The following PCGF3 variants were observed in gnomAD, a reference collection of about 807,000 sequenced individuals.
PCGF3 encodes the protein polycomb group RING finger protein 3.
A neutral mutation model predicts 33.1 loss-of-function variants in PCGF3; 7 were observed. The ratio of observed to expected loss-of-function variants is 0.21; its 90% CI spans 0.12 to 0.40. The LOEUF (loss-of-function observed/expected upper bound fraction) is 0.40, where lower values mean the gene tolerates loss of function less well. PCGF3 is among the 10% of genes least tolerant of loss of function. The pLI is 1.00. For missense variants in PCGF3, 211 were observed against 313.3 expected (o/e 0.67, Z 2.46); for synonymous variants, 153 against 121.3 (o/e 1.26, Z -1.72).
chr4:711,583 G>A (rs1208452507), intron 1 of PCGF3, among the ~76,000 whole-genome samples: 2 of 143,458 alleles, frequency 1.4e-5, no homozygotes, highest in Non-Finnish European at 3.0e-5. Flanking sequence ...TCAGCCTCCC[G>A]AGTAGCTGGG....
chr4:743,947 G>A (rs141133179), intron 7 of PCGF3: 121 of 195,178 alleles, frequency 6.2e-4, no homozygotes, highest in African/African-American at 2.8e-3. Context: ...CTGTGTAAAG[G>A]GAATGGTATG....
intron 2 of PCGF3, 53 bp downstream of exon 2, chr4:730,721 G>A (rs1743518609): frequency 3.4e-6 from 1 of 294,202 alleles, no homozygotes; most frequent in Non-Finnish European, 6.3e-6. Flanking sequence ...TGAACTGCCG[G>A]ACTCCGCCGG....
At chr4:724,290 C>A (rs1199594474) in intron 1 of PCGF3, among the ~76,000 whole-genome samples, 1 of 152,208 alleles carries the variant, frequency 6.6e-6, no homozygotes, top group Non-Finnish European at 1.5e-5. Flanking sequence ...GGAGGCTTTT[C>A]CACACCCGAG....
chr4:717,403 TC>T (rs1161033453), intron 1 of PCGF3, among the ~76,000 whole-genome samples: 2 of 152,122 alleles, frequency 1.3e-5, no homozygotes, highest in East Asian at 3.8e-4. Context: ...ACTTTTTTTT[TC>T]AGTCTTGCTT....
rs1382422005 is a variant in PCGF3 at position 720,521 on chromosome 4, A to T, written c.-189-10109A>T. On this transcript the variant is annotated intron_variant, in intron 1 of 10. Coordinates refer to ENST00000362003, the Ensembl canonical transcript of PCGF3. The surrounding 1 kb of genome is among the most constrained non-coding windows in gnomAD (Gnocchi z 5.6). ...GGCCTCCTGCCAGGGAGCCTTGTGC[A>T]TGGCTGGGAGGACGGCAAGGCTGAT... Among the ~76,000 whole-genome samples the T allele has an allele frequency of 6.6e-6, 1 of 152,154 alleles. No individual in the cohort carries two copies. Among genetic ancestry groups the T allele is most frequent in the Non-Finnish European group, 1.5e-5 (1 of 68,000 alleles).
intron 10 of PCGF3, among the ~76,000 whole-genome samples, chr4:765,610 G>T (rs1373355841): frequency 6.6e-6 from 1 of 152,198 alleles, no homozygotes; most frequent in Non-Finnish European, 1.5e-5. Flanking sequence ...GGTCCCCTGG[G>T]GCCTTTGGGC....
intron 8 of PCGF3, among the ~76,000 whole-genome samples, chr4:752,982 G>A (rs968549245): frequency 4.6e-5 from 7 of 152,190 alleles, no homozygotes; most frequent in South Asian, 4.1e-4. Context: ...GTCCTCTGTC[G>A]AACCACAAAG....
intron 4 of PCGF3, chr4:734,637 C>A (rs996696219): frequency 2.4e-6 from 3 of 1,255,994 alleles, no homozygotes; most frequent in South Asian, 2.3e-5. Context: ...TTCTGATGAC[C>A]CACAGCTCTG....
At chr4:739,898 C>T (rs1318884939) in intron 6 of PCGF3, among the ~76,000 whole-genome samples, 3 of 152,244 alleles carry the variant, frequency 2.0e-5, no homozygotes, top group East Asian at 1.9e-4. Context: ...ACGGTGGCCC[C>T]GAGCCGCCTC....
At chr4:722,528 T>C in intron 1 of PCGF3, 3 of 247,322 alleles carry the variant, frequency 1.2e-5, no homozygotes, top group East Asian at 1.6e-4. Context: ...CCACACTCAG[T>C]CATCGCCCGT....
At chr4:705,879 T>C (rs1322640541) in exon 1 of PCGF3, 1 of 151,996 alleles carries the variant, frequency 6.6e-6, no homozygotes, top group African/African-American at 2.4e-5. Flanking sequence ...TTTCTCCTCC[T>C]CTTGGGGGGG....
intron 1 of PCGF3, among the ~76,000 whole-genome samples, chr4:724,399 G>A (rs1032550486): frequency 2.4e-4 from 37 of 152,386 alleles, no homozygotes; most frequent in African/African-American, 8.9e-4. Context: ...GGAGCACCCT[G>A]GTGGACAGCG....
intron 4 of PCGF3, chr4:734,658 G>GCAT: frequency 7.8e-7 from 1 of 1,286,346 alleles, no homozygotes; most frequent in Non-Finnish European, 9.9e-7. Context: ...TCACCTTTGA[G>GCAT]CATCATCTCC....
chr4:749,476 C>CTTTTTTTTTTT lies in PCGF3; in HGVS notation c.462+4802_462+4812dup, dbSNP rs71640348. ...ACCATGCCCTGCTGAATTTTCTTTC[C>CTTTTTTTTTTT]TTTTTTTTTTTTTTTTTTTTTTTTG... On this transcript the variant is annotated intron_variant, in intron 8 of 10. Coordinates refer to ENST00000362003, the Ensembl canonical transcript of PCGF3. Among the ~76,000 whole-genome samples, 35 of 75,480 alleles carry CTTTTTTTTTTT rather than the reference C, an allele frequency of 4.6e-4. 4 individuals carry two copies. Among genetic ancestry groups the CTTTTTTTTTTT allele is most frequent in the African/African-American group, 1.3e-3 (23 of 17,734 alleles). The allele number at this position is 75,480 out of a possible 152,430, so 49.5% of individuals were successfully genotyped here.
chr4:765,220 T>C, intron 10 of PCGF3, 156 bp downstream of exon 10: 1 of 582,426 alleles, frequency 1.7e-6, no homozygotes, highest in South Asian at 1.9e-5. Flanking sequence ...GATCACGAGG[T>C]CAGGAGATCC....
intron 1 of PCGF3, among the ~76,000 whole-genome samples, chr4:724,669 A>G (rs990537505): frequency 3.3e-5 from 5 of 152,192 alleles, no homozygotes; most frequent in African/African-American, 9.7e-5. Context: ...TACTAAAAAT[A>G]CAAAAAATTA....
Position 744,137 on chromosome 4 carries a change from T to C in PCGF3, c.374-463T>C, listed in dbSNP as rs1488433777. Among the ~76,000 whole-genome samples the C allele has an allele frequency of 5.9e-5, 9 of 152,180 alleles. No individual in the cohort carries two copies. The East Asian group carries it at 1.7e-3, about 29-fold the overall frequency. On this transcript the variant is annotated intron_variant, in intron 7 of 10. Transcript: ENST00000362003. ...TTGCGGGTCCCAGGAAGCACAGCCA[T>C]GAGGCGTGGTTAGGAAGCGAGTCTG...
At chr4:728,183 C>T (rs962470453) in intron 1 of PCGF3, among the ~76,000 whole-genome samples, 10 of 152,180 alleles carry the variant, frequency 6.6e-5, no homozygotes, top group Non-Finnish European at 1.3e-4. Flanking sequence ...CCAGCTCCCC[C>T]GAATCCATGG....
chr4:727,233 CTTTT>C (rs57690550), intron 1 of PCGF3, among the ~76,000 whole-genome samples: 13 of 61,894 alleles, frequency 2.1e-4, no homozygotes, highest in African/African-American at 6.3e-4. Context: ...TAGCGAGCGT[CTTTT>C]TTTTTTTTTT....
Sources: allele counts gnomAD v4.1 joint callset (sites outside exome capture counted in the v4.1 genomes callset), GRCh38; gene constraint gnomAD v4.1.1; non-coding constraint Gnocchi (gnomAD v3.1); transcripts MANE v1.5; gene names NCBI Gene and HGNC (gene_info 2026-07-23, HGNC 2026-07-21).